EIF4ENIF1: variants seen among roughly 807,000 people sequenced by gnomAD.
EIF4ENIF1 encodes eukaryotic translation initiation factor 4E nuclear import factor 1, also known as eukaryotic translation initiation factor 4E transporter.
In EIF4ENIF1, 23 loss-of-function variants were observed where a neutral mutation model predicts 110.5. That is an observed-to-expected ratio of 0.21 (90% CI 0.15 to 0.29). EIF4ENIF1 has a LOEUF of 0.29. Among genes scored for constraint, EIF4ENIF1 ranks in the 10% least tolerant of loss-of-function variants. The probability of loss-of-function intolerance (pLI) is 1.00; values close to 1 mark genes in which losing one functional copy is unlikely to be tolerated. For synonymous variants in EIF4ENIF1, 440 were observed against 437.0 expected, an observed-to-expected ratio of 1.01 and a Z score of -0.09; for missense variants, 1,031 against 1,221.1, an observed-to-expected ratio of 0.84 and a Z score of 2.32.
intron 2 of EIF4ENIF1, among the ~76,000 whole-genome samples, chr22:31,488,017 C>T (rs1452156190): frequency 1.3e-5 from 2 of 152,092 alleles, no homozygotes; most frequent in African/African-American, 4.8e-5. Flanking sequence ...AAGACATGTA[C>T]TGATGCAAGA....
intron 2 of EIF4ENIF1, 67 bp downstream of exon 2, chr22:31,488,556 T>C (rs1569112839): frequency 2.5e-6 from 4 of 1,596,260 alleles, no homozygotes; most frequent in Non-Finnish European, 3.4e-6. Context: ...AGGAATGAAA[T>C]AGTTATACAA....
chr22:31,442,111 G>A lies in EIF4ENIF1; in HGVS notation c.2214C>T (p.Leu738=), dbSNP rs778195152. ...CACTGGGTACAGAGCTGGATGACAG[G>A]AGGTTTTCTGTGAGGAACCAAACAA... ...EDTQKASEEN[L]LSSSSVPSAD... is the part of the protein sequence containing the mutation. Residue 738 remains leucine (L), a synonymous_variant, in exon 17 of 19, where the codon CTC becomes CTT. Transcript: ENST00000330125. 1.6e-5 allele frequency: 25 copies of A among 1,599,742 alleles called. No homozygotes were observed. Among genetic ancestry groups the A allele is most frequent in the Non-Finnish European group, 2.1e-5 (25 of 1,170,830 alleles).
At position 31,458,532 on chromosome 22, in the gene EIF4ENIF1, T is replaced by C. The variant is rs1161348615; in HGVS notation, c.906A>G (p.Pro302=). The C allele has an allele frequency of 3.1e-6, 5 of 1,613,322 alleles. No homozygotes were observed. The African/African-American group carries it at 4.0e-5, about 13-fold the overall frequency. ...AGAACTCATTAAAGTCAAAGTCTCC[T>C]GGGGACTGCTCAGGCAAGACAGCAT... is the stretch of plus-strand genomic sequence containing the variant. The part of the protein sequence containing the change: ...PRDAVLPEQS[P]GDFDFNEFFN... The change falls in exon 7 of 19, where the codon CCA becomes CCG. Residue 302 remains proline (P), a synonymous_variant. Transcript: ENST00000330125.
chr22:31,468,188 C>T lies in EIF4ENIF1; in HGVS notation c.285G>A (p.Val95=), dbSNP rs779733639. 6.2e-7 allele frequency: 1 copy of T among 1,614,120 alleles called. No homozygotes were observed. Among genetic ancestry groups the T allele is most frequent in the African/African-American group, 1.3e-5 (1 of 75,052 alleles). Residue 95 remains valine, a synonymous_variant, in exon 4 of 19, where the codon GTG becomes GTA. Transcript: ENST00000330125. ...KELDTDRPSL[V]RRIVDPRERV... ...CTGTGTGCTCACCTACTATCCTGCG[C>T]ACCAGGGAAGGCCGGTCTGTATCCA...
chr22:31,464,699 A>AAAATATATAT (rs1304121964), intron 4 of EIF4ENIF1, among the ~76,000 whole-genome samples: 1 of 39,132 alleles, frequency 2.6e-5, no homozygotes, highest in East Asian at 6.2e-4. Flanking sequence ...AAAAAAAAAA[A>AAAATATATAT]ATATATATAT....
rs2050582034 is a variant in EIF4ENIF1, at chr22:31,449,479, C to T, written c.1637G>A (p.Gly546Asp). 1.9e-6 allele frequency: 3 copies of T among 1,614,100 alleles called. No individual in the cohort carries two copies. The highest frequency in any genetic ancestry group is 2.5e-6 in the Non-Finnish European group (3 of 1,180,006). Residue 546 changes from glycine to aspartate, a missense_variant, in exon 12 of 19, where the codon GGC (glycine) becomes GAC (aspartate). Transcript: ENST00000330125. The stretch of plus-strand genomic sequence containing the variant: ...TGTAGGCTCCAAGCTCCCCATAAGG[C>T]CACTCAGAAGATTGGAAGAAGCAGG... Reference protein sequence around the residue: ...QRPASSNLLSGLMGSLEPTTS... With the variant: ...QRPASSNLLSDLMGSLEPTTS...
intron 2 of EIF4ENIF1, among the ~76,000 whole-genome samples, chr22:31,486,589 GC>G (rs1344377128): frequency 6.6e-6 from 1 of 150,672 alleles, no homozygotes. Flanking sequence ...GACCAGCCTG[GC>G]CAACATGGCA....
chr22:31,450,513 C>T, intron 10 of EIF4ENIF1, 153 bp from the exon 11 acceptor site: 1 of 545,474 alleles, frequency 1.8e-6, no homozygotes, highest in South Asian at 1.9e-5. Flanking sequence ...GTGTTCCGCT[C>T]TCATCACACA....
chr22:31,488,924 T>C, intron 1 of EIF4ENIF1, 179 bp from the exon 2 acceptor site: 1 of 686,652 alleles, frequency 1.5e-6, no homozygotes, highest in East Asian at 2.8e-5. Context: ...GGTACTCAGT[T>C]CTCTTTCCTA....
At chr22:31,480,165 CCA>C (rs1263057659) in intron 2 of EIF4ENIF1, among the ~76,000 whole-genome samples, 2 of 152,124 alleles carry the variant, frequency 1.3e-5, no homozygotes, top group Non-Finnish European at 2.9e-5. Flanking sequence ...TGCCCAAGAG[CCA>C]CACACCCAAG....
At chr22:31,466,413 G>C (rs1159607181) in intron 4 of EIF4ENIF1, among the ~76,000 whole-genome samples, 2 of 20,568 alleles carry the variant, frequency 9.7e-5, no homozygotes, top group African/African-American at 3.9e-4. Context: ...ACTCTGTCTC[G>C]GTGGGGGGAA....
chr22:31,447,616 T>C, intron 13 of EIF4ENIF1, 51 bp from the exon 14 acceptor site: 1 of 1,540,426 alleles, frequency 6.5e-7, no homozygotes, highest in Non-Finnish European at 8.7e-7. Flanking sequence ...ACACCACACT[T>C]TCTACAAAGG....
intron 2 of EIF4ENIF1, among the ~76,000 whole-genome samples, chr22:31,482,590 G>A (rs1353320929): frequency 1.3e-5 from 2 of 151,918 alleles, no homozygotes; most frequent in Admixed American, 6.6e-5. Context: ...GCTGAGGCAG[G>A]AGAATTGCTT....
chr22:31,482,763 C>G (rs767518471), intron 2 of EIF4ENIF1, among the ~76,000 whole-genome samples: 3 of 151,858 alleles, frequency 2.0e-5, no homozygotes, highest in Admixed American at 1.3e-4. Flanking sequence ...GTGGCTCACG[C>G]CTGTAATCAG....
intron 1 of EIF4ENIF1, chr22:31,489,021 A>G (rs987847699): frequency 3.4e-6 from 1 of 296,010 alleles, no homozygotes; most frequent in African/African-American, 2.2e-5. Context: ...AAGAGAAACC[A>G]AGATTAGTAG....
chr22:31,488,835 C>G (rs1334481366), intron 1 of EIF4ENIF1, 90 bp from the exon 2 acceptor site: 1 of 1,417,716 alleles, frequency 7.1e-7, no homozygotes, highest in Non-Finnish European at 9.3e-7. Flanking sequence ...ACTTTTTAAT[C>G]TCTCAAAACA....
In EIF4ENIF1 at chr22:31,441,909, G is replaced by A. The variant is rs749735053; in HGVS notation, c.2416C>T (p.Arg806Cys). The A allele has an allele frequency of 2.1e-5, 34 of 1,614,016 alleles. No homozygotes were observed. Among genetic ancestry groups the A allele is most frequent in the African/African-American group, 6.7e-5 (5 of 74,884 alleles). Residue 806 changes from arginine to cysteine, a missense_variant, in exon 17 of 19, where the codon CGC (arginine) becomes TGC (cysteine). Around this residue, in one of 3 missense-constraint regions of EIF4ENIF1, gnomAD observed 309 missense variants for 299.1 expected, o/e 1.03. Transcript: ENST00000330125. Reference sequence around the variant, plus strand: ...ACAAGGGGAACTTGGTGGACAGGGCGGAGAAAAGGTGTTGTAGGAACTGGG... The same window carrying A: ...ACAAGGGGAACTTGGTGGACAGGGCAGAGAAAAGGTGTTGTAGGAACTGGG... ...ASPVPTTPFL[R>C]PVHQVPLVPH...
intron 6 of EIF4ENIF1, among the ~76,000 whole-genome samples, chr22:31,462,074 A>T (rs963289187): frequency 1.1e-4 from 17 of 152,178 alleles, no homozygotes; most frequent in African/African-American, 4.1e-4. Flanking sequence ...ATTTCTGGGG[A>T]ACTCTTTCAT....
chr22:31,441,679 G>A, intron 17 of EIF4ENIF1, 95 bp downstream of exon 17: 1 of 1,091,040 alleles, frequency 9.2e-7, no homozygotes. Context: ...TCTTTCTAGG[G>A]ATGGAAATCT....
Sources: allele counts gnomAD v4.1 joint callset (sites outside exome capture counted in the v4.1 genomes callset), GRCh38; gene constraint gnomAD v4.1.1; regional missense constraint gnomAD v4.1.1; transcripts MANE v1.5; gene names NCBI Gene and HGNC (gene_info 2026-07-23, HGNC 2026-07-21).